The following TNPO1 variants were observed in gnomAD, a reference collection of about 807,000 sequenced individuals.
TNPO1 encodes transportin 1, also known as transportin-1.
Under a neutral mutation model 119.5 loss-of-function variants are expected in TNPO1, and 8 were observed. That is an observed-to-expected ratio of 0.07 (90% CI 0.04 to 0.12). The LOEUF (loss-of-function observed/expected upper bound fraction) is 0.12. Ranked by LOEUF, TNPO1 falls within the 10% of genes least tolerant of loss-of-function variation. The pLI, the probability that TNPO1 is intolerant of heterozygous loss-of-function variation, is 1.00. For missense variants in TNPO1, 576 were observed against 1,089.8 expected, an observed-to-expected ratio of 0.53 and a Z score of 6.64; for synonymous variants, 362 against 363.0, an observed-to-expected ratio of 1.00 and a Z score of 0.03.
intron 14 of TNPO1, 101 bp from the exon 15 acceptor site, chr5:72,891,709 T>C: frequency 1.2e-6 from 1 of 862,938 alleles, no homozygotes; most frequent in Non-Finnish European, 1.8e-6. Context: ...TGTAATGATT[T>C]TACACAATTG....
chr5:72,900,375 A>G (rs572836165), intron 21 of TNPO1, among the ~76,000 whole-genome samples: 6 of 152,344 alleles, frequency 3.9e-5, no homozygotes, highest in African/African-American at 4.8e-5. Context: ...CACCAGAAAA[A>G]TAAAGATGCA....
chr5:72,905,468 A>G (rs1162167285), intron 24 of TNPO1, 23 bp downstream of exon 24: 7 of 1,263,432 alleles, frequency 5.5e-6, no homozygotes, highest in African/African-American at 4.5e-5. Flanking sequence ...AAGTTTGGAA[A>G]TTTTCAGGAT....
chr5:72,861,780 T>A (rs780946157), intron 4 of TNPO1, 28 bp from the exon 5 acceptor site: 60 of 1,508,014 alleles, frequency 4.0e-5, no homozygotes, highest in Non-Finnish European at 5.3e-5. Context: ...GCTGTTGGAT[T>A]TCCTAAAGAA....
intron 22 of TNPO1, among the ~76,000 whole-genome samples, chr5:72,902,336 A>G (rs956001879): frequency 6.6e-6 from 1 of 152,134 alleles, no homozygotes. Context: ...ATTCTGTTTT[A>G]TAAAATTCAA....
In TNPO1 at chr5:72,861,953, G is replaced by C. The variant is rs747533414; in HGVS notation, c.462+39G>C. On this transcript the variant is annotated intron_variant, in intron 5 of 24. Transcript: ENST00000337273. Reference sequence around the variant, plus strand: ...TTTCATACATAATTGGGTGTTTTCTGTTTTTCTTGTCATGTTGTGTATTAG... The same window carrying C: ...TTTCATACATAATTGGGTGTTTTCTCTTTTTCTTGTCATGTTGTGTATTAG... 2.7e-6 allele frequency: 4 copies of C among 1,492,292 alleles called. No homozygotes were observed. The South Asian group carries it at 3.4e-5, about 13-fold the overall frequency. 92.4% of individuals were successfully genotyped at this position (1,492,292 alleles called of 1,614,324 possible).
At chr5:72,866,323 T>G (rs1446234097) in intron 6 of TNPO1, among the ~76,000 whole-genome samples, 1 of 152,240 alleles carries the variant, frequency 6.6e-6, no homozygotes, top group Non-Finnish European at 1.5e-5. Flanking sequence ...TACAACATTA[T>G]AATAATGTTG....
In TNPO1 at chr5:72,891,444, G is replaced by A. The variant is rs141100450; in HGVS notation, c.1702-366G>A. On this transcript the variant is annotated intron_variant, in intron 14 of 24. Coordinates refer to ENST00000337273, the MANE Select transcript of TNPO1 (RefSeq NM_002270.4). Reference sequence around the variant, plus strand: ...CACGCCGCTGCACTCTAGCCTGGACGACAGAGCAAGACTCCGTCTCAAAAA... The same window carrying A: ...CACGCCGCTGCACTCTAGCCTGGACAACAGAGCAAGACTCCGTCTCAAAAA... Among the ~76,000 whole-genome samples the A allele has an allele frequency of 5.0e-3, 765 of 152,176 alleles. 5 individuals carry two copies. Among genetic ancestry groups the A allele is most frequent in the Middle Eastern group, 0.024 (7 of 292 alleles).
intron 1 of TNPO1, among the ~76,000 whole-genome samples, chr5:72,819,430 C>A (rs1394119276): frequency 6.6e-6 from 1 of 152,138 alleles, no homozygotes; most frequent in African/African-American, 2.4e-5. Context: ...TTGAAGGGTC[C>A]TTTGAAGTAC....
At chr5:72,898,815 T>C (rs1418891798) in intron 20 of TNPO1, among the ~76,000 whole-genome samples, 1 of 152,198 alleles carries the variant, frequency 6.6e-6, no homozygotes, top group Admixed American at 6.5e-5. Context: ...TTGCTTCATA[T>C]GAATCTGCTG....
chr5:72,886,653 C>G (rs1748660131), intron 11 of TNPO1, among the ~76,000 whole-genome samples: 1 of 151,968 alleles, frequency 6.6e-6, no homozygotes, highest in African/African-American at 2.4e-5. Flanking sequence ...AATCCCAGCA[C>G]TTTGGGAGGC....
chr5:72,826,100 C>A (rs1427754546), intron 1 of TNPO1, among the ~76,000 whole-genome samples: 1 of 152,074 alleles, frequency 6.6e-6, no homozygotes, highest in Non-Finnish European at 1.5e-5. Context: ...GTACTTCTTC[C>A]ACATATCTGC....
intron 1 of TNPO1, among the ~76,000 whole-genome samples, chr5:72,841,782 G>A (rs1744926635): frequency 6.6e-6 from 1 of 151,778 alleles, no homozygotes; most frequent in South Asian, 2.1e-4. Flanking sequence ...TCTCATGAAA[G>A]TTTTATTAAA....
At chr5:72,888,957 C>T (rs533665146) in intron 13 of TNPO1, among the ~76,000 whole-genome samples, 10 of 152,022 alleles carry the variant, frequency 6.6e-5, no homozygotes, top group Non-Finnish European at 1.0e-4. Flanking sequence ...TTTAAAAGGG[C>T]CTTCTGCTTA....
At chr5:72,895,130 G>A (rs1016971052) in intron 18 of TNPO1, among the ~76,000 whole-genome samples, 6 of 151,974 alleles carry the variant, frequency 3.9e-5, no homozygotes, top group Admixed American at 6.6e-5. Flanking sequence ...TCTTACAATT[G>A]TTTTTTGTTA....
chr5:72,833,374 C>T (rs1358373730), intron 1 of TNPO1, among the ~76,000 whole-genome samples: 1 of 152,192 alleles, frequency 6.6e-6, no homozygotes, highest in Non-Finnish European at 1.5e-5. Context: ...GCATGAGCCA[C>T]TGCACACAGC....
chr5:72,829,870 G>A (rs1744372016), intron 1 of TNPO1, among the ~76,000 whole-genome samples: 1 of 152,120 alleles, frequency 6.6e-6, no homozygotes, highest in Admixed American at 6.6e-5. Flanking sequence ...AAGGCAGTTA[G>A]TCCTAAAGCC....
intron 11 of TNPO1, among the ~76,000 whole-genome samples, chr5:72,885,817 C>G (rs1748584076): frequency 6.7e-6 from 1 of 148,784 alleles, no homozygotes; most frequent in East Asian, 2.0e-4. Context: ...GCCTAGTTCA[C>G]GTTGGAAATT....
At chr5:72,888,546 T>C (rs961637077) in intron 13 of TNPO1, among the ~76,000 whole-genome samples, 4 of 152,236 alleles carry the variant, frequency 2.6e-5, no homozygotes, top group African/African-American at 9.6e-5. Flanking sequence ...TTTTGTCATG[T>C]GGGTTTTACC....
chr5:72,901,164 CTA>C (rs1227114930), intron 22 of TNPO1, 91 bp downstream of exon 22: 13 of 777,770 alleles, frequency 1.7e-5, no homozygotes, highest in Non-Finnish European at 2.5e-5. Flanking sequence ...AAAAAGTTAA[CTA>C]TTTTCAAAGG....
Sources: gnomAD v4.1 joint callset for allele counts (sites outside exome capture counted in the v4.1 genomes callset) on GRCh38, gnomAD v4.1.1 for gene constraint, MANE v1.5 for transcripts, NCBI Gene and HGNC (gene_info 2026-07-23, HGNC 2026-07-21) for gene names.